SRP54: variants seen among roughly 807,000 people sequenced by gnomAD.
The protein encoded by SRP54 is signal recognition particle subunit SRP54.
SRP54 carries 10 observed loss-of-function variants against 64.8 expected under a neutral mutation model. That is an observed-to-expected ratio of 0.15 (90% confidence interval 0.10 to 0.26). The LOEUF (loss-of-function observed/expected upper bound fraction) is 0.26. SRP54 is among the 10% of genes least tolerant of loss of function. The pLI, the probability that SRP54 is intolerant of heterozygous loss-of-function variation, is 1.00. For missense variants in SRP54, 325 were observed against 613.7 expected (o/e 0.53, Z 4.97); for synonymous variants, 193 against 185.6 (o/e 1.04, Z -0.32).
chr14:34,988,594 T>TATATATATAA (rs1420297304), intron 1 of SRP54, among the ~76,000 whole-genome samples: 3 of 119,362 alleles, frequency 2.5e-5, no homozygotes, highest in African/African-American at 9.1e-5. Context: ...TATATATATA[T>TATATATATAA]AACATATATA....
intron 10 of SRP54, 120 bp from the exon 11 acceptor site, chr14:35,014,624 G>A: frequency 2.7e-6 from 2 of 747,864 alleles, no homozygotes; most frequent in Non-Finnish European, 4.4e-6. Flanking sequence ...TTTGTGTAGT[G>A]TAGTAAGAAT....
At chr14:35,008,266 A>G (rs1037125720) in intron 5 of SRP54, among the ~76,000 whole-genome samples, 1 of 152,216 alleles carries the variant, frequency 6.6e-6, no homozygotes, top group Non-Finnish European at 1.5e-5. Flanking sequence ...TCTCAACAAT[A>G]TTACAAGATT....
chr14:34,988,578 A>AAAATATATATATATATAT, intron 1 of SRP54, among the ~76,000 whole-genome samples: 1 of 47,102 alleles, frequency 2.1e-5, no homozygotes, highest in African/African-American at 6.7e-5. Context: ...AAAAAAAAAA[A>AAAATATATATATATATAT]ATATATATAT....
intron 1 of SRP54, among the ~76,000 whole-genome samples, chr14:34,987,316 C>G (rs1417250522): frequency 2.2e-5 from 3 of 135,538 alleles, no homozygotes; most frequent in African/African-American, 8.1e-5. Flanking sequence ...ATTCTTAGTT[C>G]ACCTAAAGTG....
rs2044685461 is a variant in SRP54 at position 35,029,246 on chromosome 14, A to G, written c.*94A>G. On this transcript the variant is annotated 3_prime_UTR_variant, in exon 16 of 16. Coordinates refer to ENST00000216774, the MANE Select transcript of SRP54 (RefSeq NM_003136.4). ...TTTTTGCGAATTGGGGGGAAAGTGT[A>G]TTTTTCTTGCTTATCATGCACTCTT... is the stretch of plus-strand genomic sequence containing the variant. 6.8e-6 allele frequency: 6 copies of G among 888,386 alleles called. No individual in the cohort carries two copies. Among genetic ancestry groups the G allele is most frequent in the Non-Finnish European group, 6.9e-6 (4 of 581,980 alleles). 55.0% of individuals were successfully genotyped at this position (888,386 alleles called of 1,614,324 possible). A position where few individuals can be genotyped will look rare whatever the true frequency, so the allele number is the denominator to read the frequency against.
chr14:35,026,216 G>GT (rs1309815447), intron 14 of SRP54, among the ~76,000 whole-genome samples: 5 of 122,742 alleles, frequency 4.1e-5, no homozygotes, highest in Non-Finnish European at 8.9e-5. Flanking sequence ...GTTGTTTTTT[G>GT]TTTGTTTGTT....
chr14:35,016,030 T>A (rs1471255341), intron 11 of SRP54, among the ~76,000 whole-genome samples: 3 of 152,202 alleles, frequency 2.0e-5, no homozygotes, highest in African/African-American at 7.2e-5. Context: ...TCATTATTAT[T>A]TCTTCCTCAC....
Position 35,029,204 on chromosome 14 carries a change from C to G in SRP54, c.*52C>G. 7.0e-7 allele frequency: 1 copy of G among 1,426,566 alleles called. No homozygotes were observed. Among genetic ancestry groups the G allele is most frequent in the Non-Finnish European group, 9.7e-7 (1 of 1,027,004 alleles). 88.4% of individuals were successfully genotyped at this position (1,426,566 alleles called of 1,614,324 possible). A position where few individuals can be genotyped will look rare whatever the true frequency, so the allele number is the denominator to read the frequency against. On this transcript the variant is annotated 3_prime_UTR_variant, in exon 16 of 16. Transcript: ENST00000216774. ...CAGTTGAATACCTAATTTGCTGAGACCTCAGCGTTTCCCTTCTTTTTGCGA... is the reference window on the plus strand; with the variant it reads ...CAGTTGAATACCTAATTTGCTGAGAGCTCAGCGTTTCCCTTCTTTTTGCGA...
chr14:35,000,901 C>T (rs962337872), intron 3 of SRP54, 35 bp from the exon 4 acceptor site: 2 of 1,249,928 alleles, frequency 1.6e-6, no homozygotes, highest in African/African-American at 1.5e-5. Flanking sequence ...CTGATTTTCT[C>T]CTCCCCACCC....
chr14:35,005,219 G>C (rs2044237365), intron 4 of SRP54, among the ~76,000 whole-genome samples: 1 of 152,164 alleles, frequency 6.6e-6, no homozygotes, highest in African/African-American at 2.4e-5. Context: ...TGTAGTTCCA[G>C]CTACTCAGGA....
At chr14:35,027,320 A>G (rs1382314360) in intron 14 of SRP54, among the ~76,000 whole-genome samples, 1 of 151,828 alleles carries the variant, frequency 6.6e-6, no homozygotes, top group East Asian at 1.9e-4. Context: ...GTGAGCCACC[A>G]CAGCCAGCCC....
rs71121258 is a variant in SRP54 at position 35,002,737 on chromosome 14, C to CT, written c.255+1741dup. On this transcript the variant is annotated intron_variant, in intron 4 of 15. Coordinates refer to ENST00000216774, the MANE Select transcript of SRP54 (RefSeq NM_003136.4). ...ACCATGAGTCACTGTGCCTGGCCTC[C>CT]TTTTTTTTTTTTTTTTTTTTTTTTA... 4.5e-3 allele frequency among the ~76,000 whole-genome samples: 423 copies of CT among 94,994 alleles called. 3 individuals are homozygous for CT. Among genetic ancestry groups the CT allele is most frequent in the Middle Eastern group, 6.6e-3 (1 of 152 alleles). 62.3% of individuals were successfully genotyped at this position (94,994 alleles called of 152,430 possible). A position where few individuals can be genotyped will look rare whatever the true frequency, so the allele number is the denominator to read the frequency against.
chr14:34,992,545 A>T (rs2043997457), intron 1 of SRP54, among the ~76,000 whole-genome samples: 1 of 152,192 alleles, frequency 6.6e-6, no homozygotes, highest in South Asian at 2.1e-4. Context: ...AGAAACAGAA[A>T]ATCAAGTATC....
intron 7 of SRP54, among the ~76,000 whole-genome samples, chr14:35,010,653 C>T (rs799460): frequency 1 from 152,044 of 152,044 alleles, 76,022 homozygotes; most frequent in Non-Finnish European, 1. Context: ...TAATCCTAGC[C>T]ACTTGGGAGG....
intron 1 of SRP54, among the ~76,000 whole-genome samples, chr14:34,992,616 T>A (rs2043998458): frequency 6.6e-6 from 1 of 151,942 alleles, no homozygotes; most frequent in Non-Finnish European, 1.5e-5. Context: ...AAGACGAAAG[T>A]AGTAGACACA....
chr14:34,989,038 C>G (rs561502664), intron 1 of SRP54, among the ~76,000 whole-genome samples: 62 of 152,184 alleles, frequency 4.1e-4, no homozygotes, highest in African/African-American at 1.5e-3. Context: ...TACATGTTCA[C>G]TAGAGACACA....
intron 13 of SRP54, among the ~76,000 whole-genome samples, chr14:35,021,601 C>G (rs1026526759): frequency 6.6e-6 from 1 of 151,680 alleles, no homozygotes; most frequent in Non-Finnish European, 1.5e-5. Flanking sequence ...CCACTGCACT[C>G]CAGCCTGAGG....
chr14:34,985,325 C>T (rs967972957), intron 1 of SRP54, among the ~76,000 whole-genome samples: 9 of 152,204 alleles, frequency 5.9e-5, no homozygotes, highest in African/African-American at 2.2e-4. Context: ...CTATTAACTC[C>T]TCTGACTTTC....
intron 2 of SRP54, among the ~76,000 whole-genome samples, chr14:34,999,014 G>GTGT (rs2044128296): frequency 2.7e-5 from 1 of 36,660 alleles, no homozygotes; most frequent in Non-Finnish European, 4.8e-5. Flanking sequence ...TGTGTGTGTG[G>GTGT]TTTTTTTTTT....
Sources: gnomAD v4.1 joint callset for allele counts (sites outside exome capture counted in the v4.1 genomes callset) on GRCh38, gnomAD v4.1.1 for gene constraint, MANE v1.5 for transcripts, NCBI Gene and HGNC (gene_info 2026-07-23, HGNC 2026-07-21) for gene names.